Variants in CDH17 observed in about 807,000 individuals in gnomAD.
CDH17 encodes the protein cadherin 17.
A neutral mutation model predicts 86.3 loss-of-function variants in CDH17; 67 were observed. That is an observed-to-expected ratio of 0.78 (90% confidence interval 0.64 to 0.95). The LOEUF (loss-of-function observed/expected upper bound fraction) is 0.95. Among genes scored for constraint, CDH17 ranks in the 40% least tolerant of loss-of-function variants. The pLI, the probability that CDH17 is intolerant of heterozygous loss-of-function variation, is 0.00. For synonymous variants in CDH17, 367 were observed against 366.4 expected (o/e 1.00, Z -0.02); for missense variants, 993 against 1,017.6 (o/e 0.98, Z 0.33).
intron 3 of CDH17, among the ~76,000 whole-genome samples, chr8:94,188,142 C>G (rs1163491349): frequency 1.3e-5 from 2 of 152,032 alleles, no homozygotes; most frequent in African/African-American, 4.8e-5. Context: ...TACTGAAGGC[C>G]CTTATATAAA....
At chr8:94,209,165 A>G (rs1814083532), upstream of CDH17, among the ~76,000 whole-genome samples, 1 of 152,078 alleles carries the variant, frequency 6.6e-6, no homozygotes, top group Non-Finnish European at 1.5e-5. Context: ...CCCCCCCACA[A>G]TTCAGGGAAT....
Position 94,162,268 on chromosome 8 carries a change from C to T in CDH17, c.1283-106G>A, listed in dbSNP as rs994500401. Reference sequence around the variant, plus strand: ...GCAAGTGAAGTGACAGCCATAGCCACAATTTTGCAATTGACATGCAATTTG... The same window carrying T: ...GCAAGTGAAGTGACAGCCATAGCCATAATTTTGCAATTGACATGCAATTTG... On this transcript the variant is annotated intron_variant, in intron 10 of 17. Coordinates refer to ENST00000027335, the MANE Select transcript of CDH17 (RefSeq NM_004063.4). The T allele has an allele frequency of 1.2e-5, 9 of 730,392 alleles. No homozygotes were observed. In the Admixed American group the frequency reaches 1.7e-4, roughly 14 times the overall value. The allele number at this position is 730,392 out of a possible 1,614,324, so 45.2% of individuals were successfully genotyped here.
At chr8:94,151,828 G>T in intron 13 of CDH17, 40 bp downstream of exon 13, 1 of 1,611,466 alleles carries the variant, frequency 6.2e-7, no homozygotes, top group South Asian at 1.1e-5. Context: ...TGGCTTTGGT[G>T]ACCACGCAGC....
intron 1 of CDH17, among the ~76,000 whole-genome samples, chr8:94,205,524 G>C (rs1814009599): frequency 2.0e-5 from 3 of 152,134 alleles, no homozygotes; most frequent in Admixed American, 2.0e-4. Flanking sequence ...CCCAAGGCAG[G>C]AATTTTAATG....
intron 15 of CDH17, among the ~76,000 whole-genome samples, chr8:94,137,580 C>A (rs1225453384): frequency 3.3e-5 from 5 of 152,168 alleles, no homozygotes; most frequent in Non-Finnish European, 5.9e-5. Flanking sequence ...GAAATCACCT[C>A]ACCCTTGTGC....
Position 94,127,982 on chromosome 8 carries a change from A to T in CDH17, c.*258T>A, listed in dbSNP as rs1390714724. 3.0e-6 allele frequency: 1 copy of T among 337,192 alleles called. No homozygotes were observed. The highest frequency in any genetic ancestry group is 5.4e-6 in the Non-Finnish European group (1 of 183,948). The allele number at this position is 337,192 out of a possible 1,614,324, so 20.9% of individuals were successfully genotyped here. On this transcript the variant is annotated 3_prime_UTR_variant, in exon 18 of 18. Transcript: ENST00000027335. ...GTGGTGGGTGCCTGTAAACCCAGCT[A>T]CTTAGGAAGCTGAGGCAGGAGAATC...
intron 1 of CDH17, among the ~76,000 whole-genome samples, chr8:94,214,807 C>A (rs1286040837): frequency 3.1e-5 from 3 of 95,918 alleles, no homozygotes; most frequent in Non-Finnish European, 8.9e-5. Context: ...GCAACCCAAT[C>A]AAAAAATAAA....
intron 10 of CDH17, among the ~76,000 whole-genome samples, chr8:94,163,519 G>A (rs1813098178): frequency 6.6e-6 from 1 of 152,228 alleles, no homozygotes; most frequent in Non-Finnish European, 1.5e-5. Context: ...CTCCTTTGGG[G>A]GATGCTCCCC....
In CDH17 at chr8:94,127,317, G is replaced by C. The variant is rs1259600653; in HGVS notation, c.*923C>G. ...GCGCAGCATGTATGCATGGCAGGTAGTGAGGAAATCTGGCCAGCTGACTGG... is the reference window on the plus strand; with the variant it reads ...GCGCAGCATGTATGCATGGCAGGTACTGAGGAAATCTGGCCAGCTGACTGG... On this transcript the variant is annotated 3_prime_UTR_variant, in exon 18 of 18. Coordinates refer to ENST00000027335, the MANE Select transcript of CDH17 (RefSeq NM_004063.4). The C allele has an allele frequency of 1.3e-5, 2 of 152,258 alleles. No homozygotes were observed. Among genetic ancestry groups the C allele is most frequent in the Non-Finnish European group, 2.9e-5 (2 of 68,046 alleles). The allele number at this position is 152,258 out of a possible 1,614,324, so 9.4% of individuals were successfully genotyped here.
chr8:94,189,651 TTA>T (rs1813648281), intron 2 of CDH17, among the ~76,000 whole-genome samples: 1 of 152,202 alleles, frequency 6.6e-6, no homozygotes, highest in Non-Finnish European at 1.5e-5. Context: ...GTCTTCTAAA[TTA>T]TATATGTTTT....
At chr8:94,148,949 C>G in intron 13 of CDH17, 75 bp from the exon 14 acceptor site, 1 of 1,323,718 alleles carries the variant, frequency 7.6e-7, no homozygotes, top group Non-Finnish European at 1.0e-6. Flanking sequence ...TGTGCGTCAA[C>G]TAAATATGTT....
intron 17 of CDH17, among the ~76,000 whole-genome samples, chr8:94,128,865 T>G (rs2130560419): frequency 6.6e-6 from 1 of 152,308 alleles, no homozygotes; most frequent in Middle Eastern, 3.4e-3. Context: ...GCCTATGTTG[T>G]TGTGGGACCC....
chr8:94,153,108 T>C lies in CDH17; in HGVS notation c.1552-996A>G, dbSNP rs535229002. Reference sequence around the variant, plus strand: ...CAACTTACAGATCAGGAGAAAATATTTGCAAATACACATTAGAAAAAGGAT... The same window carrying C: ...CAACTTACAGATCAGGAGAAAATATCTGCAAATACACATTAGAAAAAGGAT... On this transcript the variant is annotated intron_variant, in intron 12 of 17. Transcript: ENST00000027335. Among the ~76,000 whole-genome samples, 4 of 152,260 alleles carry C rather than the reference T, an allele frequency of 2.6e-5. No homozygotes were observed. The East Asian group carries it at 7.7e-4, about 29-fold the overall frequency.
At position 94,151,946 on chromosome 8, in the gene CDH17, G is replaced by A. The variant is rs746585967; in HGVS notation, c.1718C>T (p.Ala573Val). 49 of 1,614,016 alleles carry A rather than the reference G, an allele frequency of 3.0e-5. 1 individual carries two copies. Among genetic ancestry groups the A allele is most frequent in the Middle Eastern group, 1.6e-4 (1 of 6,084 alleles). The change falls in exon 13 of 18, where the codon GCG becomes GTG. Residue 573 changes from alanine to valine, a missense_variant. Transcript: ENST00000027335. The part of the protein sequence containing the change: ...APQFSQHVFQ[A>V]KVSEDVAIGT... Reference sequence around the variant, plus strand: ...TATAGCTACATCCTCACTGACTTTCGCTTGGAATACGTGTTGGGAAAATTG... The same window carrying A: ...TATAGCTACATCCTCACTGACTTTCACTTGGAATACGTGTTGGGAAAATTG...
intron 1 of CDH17, among the ~76,000 whole-genome samples, chr8:94,205,640 T>A (rs1356384988): frequency 6.6e-6 from 1 of 152,136 alleles, no homozygotes; most frequent in African/African-American, 2.4e-5. Context: ...GGAAAATAAA[T>A]TTAATTCTGC....
chr8:94,202,518 C>G (rs1002026918), intron 1 of CDH17: 6 of 154,912 alleles, frequency 3.9e-5, no homozygotes, highest in African/African-American at 1.4e-4. Flanking sequence ...TCTGGTGTGT[C>G]CTTCACAGAG....
chr8:94,169,222 T>G (rs1249439637), intron 9 of CDH17, among the ~76,000 whole-genome samples: 1 of 152,114 alleles, frequency 6.6e-6, no homozygotes, highest in Non-Finnish European at 1.5e-5. Flanking sequence ...CACACGTGTT[T>G]GTTGGCTACT....
intron 5 of CDH17, 49 bp downstream of exon 5, chr8:94,176,492 C>T: frequency 6.2e-7 from 1 of 1,604,704 alleles, no homozygotes; most frequent in Non-Finnish European, 8.5e-7. Context: ...CCCCTTCCAC[C>T]TGACACCCTT....
chr8:94,204,842 A>G (rs1813994337), intron 1 of CDH17, among the ~76,000 whole-genome samples: 1 of 152,176 alleles, frequency 6.6e-6, no homozygotes, highest in South Asian at 2.1e-4. Context: ...CTCCCAAAAC[A>G]TCCCAGCATT....
Sources: gnomAD v4.1 joint callset for allele counts (sites outside exome capture counted in the v4.1 genomes callset) on GRCh38, gnomAD v4.1.1 for gene constraint, MANE v1.5 for transcripts, NCBI Gene and HGNC (gene_info 2026-07-23, HGNC 2026-07-21) for gene names.